HDAC4: variants seen among roughly 807,000 people sequenced by gnomAD.
HDAC4 encodes the protein histone deacetylase 4.
HDAC4 carries 16 observed loss-of-function variants against 135.1 expected under a neutral mutation model. The observed-to-expected ratio is 0.12, with a 90% CI of 0.08 to 0.18. HDAC4 has a LOEUF of 0.18. Ranked by LOEUF, HDAC4 falls within the 10% of genes least tolerant of loss-of-function variation. The pLI is 1.00. For missense variants in HDAC4, 1,143 were observed against 1,511.8 expected, an observed-to-expected ratio of 0.76 and a Z score of 4.05; for synonymous variants, 685 against 653.4, an observed-to-expected ratio of 1.05 and a Z score of -0.74.
At chr2:239,394,965 T>C (rs375976147) in intron 1 of HDAC4, among the ~76,000 whole-genome samples, 18 of 152,298 alleles carry the variant, frequency 1.2e-4, no homozygotes, top group African/African-American at 3.1e-4. Flanking sequence ...CTTCCTGAAA[T>C]TGCACAATGG....
chr2:239,126,664 G>C lies in HDAC4; in HGVS notation c.1325C>G (p.Pro442Arg), dbSNP rs775186701. ...DWYLSGLGAL[P>R]LHAQSLVGAD... ...ACCAACCAAGGACTGTGCGTGGAGG[G>C]GCAGTGCTCCCAGGCCTGAAAGATA... The change falls in exon 12 of 27, where the codon CCC becomes CGC. Residue 442 changes from proline (P) to arginine (R), a missense_variant. Around this residue, in one of 9 missense-constraint regions of HDAC4, gnomAD observed 272 missense variants for 309.7 expected, o/e 0.88. Transcript: ENST00000543185. The C allele has an allele frequency of 6.2e-7, 1 of 1,614,004 alleles. No individual in the cohort carries two copies. The highest frequency in any genetic ancestry group is 8.5e-7 in the Non-Finnish European group (1 of 1,179,942).
intron 14 of HDAC4, among the ~76,000 whole-genome samples, 200 bp from the exon 15 acceptor site, chr2:239,108,383 C>A (rs1292276505): frequency 6.6e-6 from 1 of 152,190 alleles, no homozygotes; most frequent in Non-Finnish European, 1.5e-5. Context: ...AATGCAGAGG[C>A]CAGGCGGGTG....
intron 15 of HDAC4, among the ~76,000 whole-genome samples, chr2:239,106,986 C>T (rs528633863): frequency 6.6e-6 from 1 of 152,214 alleles, no homozygotes; most frequent in African/African-American, 2.4e-5. Flanking sequence ...ACTGGTGGGC[C>T]CTGGCATGGG....
chr2:239,215,046 G>A (rs577234805), intron 3 of HDAC4, among the ~76,000 whole-genome samples: 97 of 152,318 alleles, frequency 6.4e-4, no homozygotes, highest in Non-Finnish European at 1.0e-3. Context: ...AGATCCAGGC[G>A]GGAGCAGACA....
At chr2:239,266,439 G>A (rs2049735310) in intron 2 of HDAC4, among the ~76,000 whole-genome samples, 1 of 152,170 alleles carries the variant, frequency 6.6e-6, no homozygotes, top group African/African-American at 2.4e-5. Context: ...GCCCAGGGGG[G>A]CCTGGCCCTG....
intron 6 of HDAC4, among the ~76,000 whole-genome samples, chr2:239,158,138 T>C (rs1017246865): frequency 1.3e-5 from 2 of 152,236 alleles, no homozygotes; most frequent in Non-Finnish European, 2.9e-5. Context: ...CTCCCTTCTC[T>C]TCCCTGTAGT....
chr2:239,145,236 C>T (rs910442448), intron 7 of HDAC4, among the ~76,000 whole-genome samples: 17 of 152,208 alleles, frequency 1.1e-4, no homozygotes, highest in Admixed American at 4.6e-4. Context: ...GCCCATGCAT[C>T]GCCCCAGCTG....
chr2:239,138,747 G>A lies in HDAC4; in HGVS notation c.978+937C>T, dbSNP rs1395162866. On this transcript the variant is annotated intron_variant, in intron 9 of 26. Transcript: ENST00000543185. Reference sequence around the variant, plus strand: ...TCAGTGGGGCATTGTGTGGAGTGTGGGGCAGGTCCTTGCTGCCTGCCTGGT... The same window carrying A: ...TCAGTGGGGCATTGTGTGGAGTGTGAGGCAGGTCCTTGCTGCCTGCCTGGT... 5.9e-5 allele frequency among the ~76,000 whole-genome samples: 9 copies of A among 152,300 alleles called. No homozygotes were observed. The East Asian group carries it at 1.7e-3, about 29-fold the overall frequency.
chr2:239,218,370 G>C (rs1350235559), intron 3 of HDAC4, among the ~76,000 whole-genome samples: 5 of 151,310 alleles, frequency 3.3e-5, no homozygotes, highest in Non-Finnish European at 7.4e-5. Context: ...AATGGGGAAA[G>C]GATTCCCTAT....
intron 2 of HDAC4, among the ~76,000 whole-genome samples, chr2:239,291,128 C>T (rs2051465810): frequency 6.6e-6 from 1 of 152,242 alleles, no homozygotes; most frequent in Non-Finnish European, 1.5e-5. Flanking sequence ...AAGTTCCCAA[C>T]AAAGAAAACC....
In HDAC4 at chr2:239,053,001, C is replaced by A; in HGVS notation, c.*96G>T. On this transcript the variant is annotated 3_prime_UTR_variant, in exon 27 of 27. Coordinates refer to ENST00000543185, the MANE Select transcript of HDAC4 (RefSeq NM_001378414.1). ...GGTGTCCCTGGGTGCTCCAAGAGAG[C>A]CCCACGGTGGGACGCAGGCGTGACA... 2.8e-6 allele frequency: 4 copies of A among 1,450,254 alleles called. No individual in the cohort carries two copies. The highest frequency in any genetic ancestry group is 2.3e-5 in the South Asian group (2 of 87,740). The allele number at this position is 1,450,254 out of a possible 1,614,324, so 89.8% of individuals were successfully genotyped here.
chr2:239,334,607 TAG>T (rs767581398), intron 2 of HDAC4, among the ~76,000 whole-genome samples: 20 of 151,916 alleles, frequency 1.3e-4, no homozygotes, highest in South Asian at 2.1e-4. Flanking sequence ...TCGAAAAAAA[TAG>T]AGAGACGTAG....
chr2:239,368,662 C>A lies in HDAC4; in HGVS notation c.-219-15744G>T, dbSNP rs563374433. 2.0e-4 allele frequency among the ~76,000 whole-genome samples: 31 copies of A among 152,276 alleles called. No homozygotes were observed. The South Asian group carries it at 5.2e-3, about 25-fold the overall frequency. On this transcript the variant is annotated intron_variant, in intron 1 of 26. Coordinates refer to ENST00000543185, the MANE Select transcript of HDAC4 (RefSeq NM_001378414.1). ...TCCTCAGTGGTCAGGACCGTCCTCTCCATGCCTGTCTCAAGCTGCAGGTGC... is the reference window on the plus strand; with the variant it reads ...TCCTCAGTGGTCAGGACCGTCCTCTACATGCCTGTCTCAAGCTGCAGGTGC...
intron 11 of HDAC4, 83 bp from the exon 12 acceptor site, chr2:239,126,777 G>A (rs1389721163): frequency 2.4e-5 from 35 of 1,450,450 alleles, no homozygotes; most frequent in Non-Finnish European, 3.2e-5. Flanking sequence ...AAGTGATGGA[G>A]ACAACTGCGC....
intron 2 of HDAC4, among the ~76,000 whole-genome samples, chr2:239,256,658 A>G (rs2049068614): frequency 6.6e-6 from 1 of 152,234 alleles, no homozygotes. Flanking sequence ...TTTTGTGTCC[A>G]TGACCCTGAA....
rs1433206444 is a variant in HDAC4, at chr2:239,189,710, C to T, written c.339+123G>A. 8 of 900,342 alleles carry T rather than the reference C, an allele frequency of 8.9e-6. No homozygotes were observed. The Admixed American group carries it at 1.6e-4, about 18-fold the overall frequency. The allele number at this position is 900,342 out of a possible 1,614,324, so 55.8% of individuals were successfully genotyped here. Reference sequence around the variant, plus strand: ...GTGTTACCGTCCCAACGCAGAAGGCCTCCTGCAGGAACCCTGCATCATGCC... The same window carrying T: ...GTGTTACCGTCCCAACGCAGAAGGCTTCCTGCAGGAACCCTGCATCATGCC... On this transcript the variant is annotated intron_variant, in intron 4 of 26. Coordinates refer to ENST00000543185, the MANE Select transcript of HDAC4 (RefSeq NM_001378414.1).
chr2:239,146,707 CCCCTCCCCTT>C lies in HDAC4; in HGVS notation c.734-2003_734-1994del, dbSNP rs2041787678. 6.7e-6 allele frequency among the ~76,000 whole-genome samples: 1 copy of C among 149,174 alleles called. No homozygotes were observed. Among genetic ancestry groups the C allele is most frequent in the African/African-American group, 2.5e-5 (1 of 40,734 alleles). ...CTTCACCCCACCCCTTCCCTCCACT[CCCCTCCCCTT>C]CCCTCCTCTCCCCTTCCACAGGCCT... On this transcript the variant is annotated intron_variant, in intron 7 of 26. Transcript: ENST00000543185. The surrounding 1 kb of genome is among the most constrained non-coding windows in gnomAD (Gnocchi z 4.5).
intron 2 of HDAC4, among the ~76,000 whole-genome samples, chr2:239,239,995 A>G (rs1026904986): frequency 2.6e-5 from 4 of 152,220 alleles, no homozygotes; most frequent in Admixed American, 2.6e-4. Context: ...TCTCTTTAAG[A>G]CAAGATCCCG....
At chr2:239,399,542 A>G (rs1380968833) in intron 1 of HDAC4, among the ~76,000 whole-genome samples, 1 of 152,232 alleles carries the variant, frequency 6.6e-6, no homozygotes, top group East Asian at 1.9e-4. Context: ...CCACGATCAT[A>G]TTACAAAAGA....
Sources: gnomAD v4.1 joint callset for allele counts (sites outside exome capture counted in the v4.1 genomes callset) on GRCh38, gnomAD v4.1.1 for gene constraint, gnomAD v4.1.1 regional missense constraint, Gnocchi (gnomAD v3.1) non-coding constraint, MANE v1.5 for transcripts, NCBI Gene and HGNC (gene_info 2026-07-23, HGNC 2026-07-21) for gene names.